SEPTIN9: variants seen among roughly 807,000 people sequenced by gnomAD.
The protein encoded by SEPTIN9 is septin-9.
A neutral mutation model predicts 56.6 loss-of-function variants in SEPTIN9; 13 were observed. That is an observed-to-expected ratio of 0.23 (90% CI 0.15 to 0.37). The LOEUF (loss-of-function observed/expected upper bound fraction) is 0.37, where lower values mean the gene tolerates loss of function less well. Ranked by LOEUF, SEPTIN9 falls within the 10% of genes least tolerant of loss-of-function variation. The probability of loss-of-function intolerance (pLI) is 1.00; values close to 1 mark genes in which losing one functional copy is unlikely to be tolerated. For missense variants in SEPTIN9, 650 were observed against 823.1 expected, an observed-to-expected ratio of 0.79 and a Z score of 2.57; for synonymous variants, 332 against 334.1, an observed-to-expected ratio of 0.99 and a Z score of 0.07.
At chr17:77,282,106 C>G (rs2031053791) in intron 1 of SEPTIN9, among the ~76,000 whole-genome samples, 1 of 152,216 alleles carries the variant, frequency 6.6e-6, no homozygotes, top group South Asian at 2.1e-4. Context: ...CATCCTCACT[C>G]CACCCTAGCA....
chr17:77,426,741 T>A (rs553208485), intron 3 of SEPTIN9, among the ~76,000 whole-genome samples: 1 of 152,302 alleles, frequency 6.6e-6, no homozygotes, highest in South Asian at 2.1e-4. Context: ...TGGCTTTCTA[T>A]GGGGCATGGA....
At chr17:77,480,330 C>T (rs1044667756) in intron 3 of SEPTIN9, among the ~76,000 whole-genome samples, 1 of 152,232 alleles carries the variant, frequency 6.6e-6, no homozygotes, top group East Asian at 1.9e-4. Flanking sequence ...ACCTCTGATG[C>T]CTCAGGCCTG....
chr17:77,473,520 G>C (rs1252511720), intron 3 of SEPTIN9, among the ~76,000 whole-genome samples: 1 of 152,084 alleles, frequency 6.6e-6, no homozygotes, highest in Admixed American at 6.5e-5. Flanking sequence ...TTTTAACTGG[G>C]ATCCACGGGC....
In SEPTIN9 at chr17:77,425,171, C is replaced by T. The variant is rs898562627; in HGVS notation, c.721+22468C>T. Among the ~76,000 whole-genome samples, 1 of 152,204 alleles carries T rather than the reference C, an allele frequency of 6.6e-6. No homozygotes were observed. The highest frequency in any genetic ancestry group is 2.1e-4 in the South Asian group (1 of 4,832). ...CCCCACTGACCTGCACCATGTGACCCGGGCCTGGGAAGATGGGCCCAGCTG... is the reference window on the plus strand; with the variant it reads ...CCCCACTGACCTGCACCATGTGACCTGGGCCTGGGAAGATGGGCCCAGCTG... On this transcript the variant is annotated intron_variant, in intron 3 of 11. Transcript: ENST00000427177. This position sits in a 1 kb window ranked among gnomAD's most constrained non-coding sequence, Gnocchi z 4.2.
At chr17:77,466,779 A>G (rs1346595380) in intron 3 of SEPTIN9, among the ~76,000 whole-genome samples, 1 of 152,178 alleles carries the variant, frequency 6.6e-6, no homozygotes, top group African/African-American at 2.4e-5. Flanking sequence ...ACAACTGATG[A>G]CTTTAGGGAA....
At chr17:77,424,408 C>G (rs2036821920) in intron 3 of SEPTIN9, among the ~76,000 whole-genome samples, 1 of 152,246 alleles carries the variant, frequency 6.6e-6, no homozygotes, top group African/African-American at 2.4e-5. Flanking sequence ...AGTGACCTAC[C>G]AGCTGTTCCA....
chr17:77,354,116 G>C (rs1199370461), intron 2 of SEPTIN9, among the ~76,000 whole-genome samples: 1 of 152,112 alleles, frequency 6.6e-6, no homozygotes, highest in East Asian at 1.9e-4. Flanking sequence ...TCTGCTTTAA[G>C]CTTGTGTCTT....
intron 1 of SEPTIN9, among the ~76,000 whole-genome samples, chr17:77,296,201 C>T (rs2031804064): frequency 6.6e-6 from 1 of 152,172 alleles, no homozygotes; most frequent in African/African-American, 2.4e-5. Context: ...TGATCCGGGA[C>T]TTTGGGCCTC....
At chr17:77,353,385 G>A (rs1004771143) in intron 2 of SEPTIN9, among the ~76,000 whole-genome samples, 16 of 152,134 alleles carry the variant, frequency 1.1e-4, no homozygotes, top group South Asian at 2.1e-4. Context: ...AGGTGCTAGC[G>A]AGTAGAGCTT....
intron 1 of SEPTIN9, chr17:77,286,168 C>G (rs1050067239): frequency 1.3e-5 from 2 of 152,334 alleles, no homozygotes; most frequent in Non-Finnish European, 2.9e-5. Flanking sequence ...CGCCGAGGCC[C>G]CTCAGTTGTG....
intron 2 of SEPTIN9, among the ~76,000 whole-genome samples, chr17:77,361,312 C>T (rs2034410382): frequency 6.6e-6 from 1 of 152,160 alleles, no homozygotes; most frequent in Non-Finnish European, 1.5e-5. Flanking sequence ...ACAGAGCCTG[C>T]CCTCCTTTTG....
rs2036711913 is a variant in SEPTIN9 at position 77,421,748 on chromosome 17, T to G, written c.721+19045T>G. On this transcript the variant is annotated intron_variant, in intron 3 of 11. Transcript: ENST00000427177. The surrounding 1 kb of genome is among the most constrained non-coding windows in gnomAD (Gnocchi z 4.6). ...GGCACTTCCTCTCACCGTGCCAGGG[T>G]GCAGGTTGCTAGTGGATGGGTCTTC... Among the ~76,000 whole-genome samples the G allele has an allele frequency of 6.6e-6, 1 of 152,150 alleles. No homozygotes were observed. The highest frequency in any genetic ancestry group is 6.5e-5 in the Admixed American group (1 of 15,280).
At chr17:77,376,741 C>G (rs1429412298) in intron 2 of SEPTIN9, 1 of 152,256 alleles carries the variant, frequency 6.6e-6, no homozygotes, top group African/African-American at 2.4e-5. Flanking sequence ...CACAGCACAC[C>G]CGTAAGGAAC....
At chr17:77,380,184 C>G (rs1048030278) in intron 2 of SEPTIN9, 1 of 162,544 alleles carries the variant, frequency 6.2e-6, no homozygotes, top group Non-Finnish European at 1.3e-5. Flanking sequence ...TTTTAAAAGT[C>G]CTGCCAATGC....
intron 2 of SEPTIN9, among the ~76,000 whole-genome samples, chr17:77,325,984 G>C (rs934554884): frequency 6.6e-6 from 1 of 152,180 alleles, no homozygotes; most frequent in South Asian, 2.1e-4. Context: ...CTAAGTGGAA[G>C]TGGGGCGTGA....
chr17:77,480,914 T>C (rs1455070279), intron 3 of SEPTIN9, among the ~76,000 whole-genome samples: 1 of 152,142 alleles, frequency 6.6e-6, no homozygotes, highest in East Asian at 1.9e-4. Flanking sequence ...CCGCCCAGCC[T>C]GCGTGGGAGC....
Position 77,421,113 on chromosome 17 carries a change from C to T in SEPTIN9, c.721+18410C>T, listed in dbSNP as rs1466804225. Among the ~76,000 whole-genome samples, 1 of 152,212 alleles carries T rather than the reference C, an allele frequency of 6.6e-6. No homozygotes were observed. Among genetic ancestry groups the T allele is most frequent in the African/African-American group, 2.4e-5 (1 of 41,452 alleles). ...ACTCCCGGGCTACCTGGAGTGATAACACAGCCCAGTGTCTGGGCCCCTGCC... is the reference window on the plus strand; with the variant it reads ...ACTCCCGGGCTACCTGGAGTGATAATACAGCCCAGTGTCTGGGCCCCTGCC... On this transcript the variant is annotated intron_variant, in intron 3 of 11. Coordinates refer to ENST00000427177, the MANE Select transcript of SEPTIN9 (RefSeq NM_001113491.2). This position sits in a 1 kb window ranked among gnomAD's most constrained non-coding sequence, Gnocchi z 4.6.
At chr17:77,496,089 C>A (rs1199475520) in intron 10 of SEPTIN9, 1 of 149,128 alleles carries the variant, frequency 6.7e-6, no homozygotes, top group South Asian at 2.1e-4. Flanking sequence ...AGTGCCGTGG[C>A]GTGATCTTGG....
At chr17:77,282,720 C>T (rs1371055368) in intron 1 of SEPTIN9, among the ~76,000 whole-genome samples, 1 of 152,252 alleles carries the variant, frequency 6.6e-6, no homozygotes, top group African/African-American at 2.4e-5. Flanking sequence ...TGGCCCTCTA[C>T]GCACCCGGAG....
Sources: gnomAD v4.1 joint callset for allele counts (sites outside exome capture counted in the v4.1 genomes callset) on GRCh38, gnomAD v4.1.1 for gene constraint, Gnocchi (gnomAD v3.1) non-coding constraint, MANE v1.5 for transcripts, NCBI Gene and HGNC (gene_info 2026-07-23, HGNC 2026-07-21) for gene names.